SLC25A6: variants seen among roughly 807,000 people sequenced by gnomAD.
The protein encoded by SLC25A6 is ADP/ATP translocase 3.
SLC25A6 carries 9 observed loss-of-function variants against 25.7 expected under a neutral mutation model. That is an observed-to-expected ratio of 0.35 (90% CI 0.21 to 0.61). SLC25A6 has a LOEUF of 0.61. Among genes scored for constraint, SLC25A6 ranks in the 20% least tolerant of loss-of-function variants. SLC25A6 has a pLI of 0.76. For missense variants in SLC25A6, 404 were observed against 440.5 expected (o/e 0.92, Z 0.74); for synonymous variants, 223 against 197.0 (o/e 1.13, Z -1.11).
At chrX:1,390,013 CTCTT>C (rs1398554570) in intron 1 of SLC25A6, among the ~76,000 whole-genome samples, 2 of 152,018 alleles carry the variant, frequency 1.3e-5, no homozygotes, top group South Asian at 4.1e-4. Context: ...CCGCACCCGG[CTCTT>C]TCTTTTTTTA....
chrX:1,391,315 G>A (rs140806746), intron 1 of SLC25A6, among the ~76,000 whole-genome samples: 1,697 of 152,200 alleles, frequency 0.011, 33 homozygotes, highest in African/African-American at 0.038. Context: ...CGTTAGCAAG[G>A]ACGTCCTGGC....
intron 2 of SLC25A6, among the ~76,000 whole-genome samples, chrX:1,388,443 G>T (rs1342427136): frequency 6.6e-6 from 1 of 151,880 alleles, no homozygotes; most frequent in Non-Finnish European, 1.5e-5. Flanking sequence ...GGCCTCAGGA[G>T]GAACCAGCCC....
chrX:1,391,593 G>C (rs1262377110), intron 1 of SLC25A6, among the ~76,000 whole-genome samples: 6 of 152,218 alleles, frequency 3.9e-5, no homozygotes, highest in Non-Finnish European at 8.8e-5. Context: ...GCAGGATTGA[G>C]CTCAAGGTCA....
intron 1 of SLC25A6, 90 bp downstream of exon 1, chrX:1,391,809 C>T (rs1348666282): frequency 2.0e-6 from 2 of 1,018,954 alleles, no homozygotes; most frequent in African/African-American, 3.4e-5. Flanking sequence ...CGGCGCCCGC[C>T]TGCAAGGCTC....
At position 1,389,381 on chromosome X, in the gene SLC25A6, T is replaced by G; in HGVS notation, c.458A>C (p.Glu153Ala). 1 of 1,613,718 alleles carries G rather than the reference T, an allele frequency of 6.2e-7. No homozygotes were observed. The highest frequency in any genetic ancestry group is 2.2e-5 in the East Asian group (1 of 44,882). Residue 153 changes from glutamate to alanine, a missense_variant, in exon 2 of 4, where the codon GAG becomes GCG. Transcript: ENST00000381401. ...CAGGCAGTCTCCCAGGCCTCGGAACTCGCGCTCTGTGCCTGACTTTCCCAC... is the reference window on the plus strand; with the variant it reads ...CAGGCAGTCTCCCAGGCCTCGGAACGCGCGCTCTGTGCCTGACTTTCCCAC... ...ADVGKSGTER[E>A]FRGLGDCLVK... is the part of the protein sequence containing the mutation.
chrX:1,388,489 G>T (rs1358776120), intron 2 of SLC25A6, among the ~76,000 whole-genome samples: 1 of 151,800 alleles, frequency 6.6e-6, no homozygotes, highest in South Asian at 2.1e-4. Flanking sequence ...CAGCCTCCAG[G>T]ACTGTGGGAG....
At chrX:1,390,144 G>A (rs1315618188) in intron 1 of SLC25A6, 1 of 230,748 alleles carries the variant, frequency 4.3e-6, no homozygotes, top group Admixed American at 5.1e-5. Context: ...CCGAGTACCC[G>A]GGTCTACAGA....
chrX:1,389,207 G>A (rs747364514), intron 2 of SLC25A6, 34 bp downstream of exon 2: 71 of 1,598,946 alleles, frequency 4.4e-5, no homozygotes, highest in Middle Eastern at 1.8e-4. Flanking sequence ...TGTTGAGCCC[G>A]TCTCTGGGAC....
Position 1,386,568 on chromosome X carries a change from G to T in SLC25A6, c.*34C>A. The T allele has an allele frequency of 2.9e-6, 4 of 1,359,348 alleles. No individual in the cohort carries two copies. Among genetic ancestry groups the T allele is most frequent in the South Asian group, 1.5e-5 (1 of 66,110 alleles). 84.2% of individuals were successfully genotyped at this position (1,359,348 alleles called of 1,614,324 possible). ...TCTACGTGGTTCTCTTGGTTCCCCT[G>T]GTGTGTGTGTGTGTGTGGAGGAGGC... On this transcript the variant is annotated 3_prime_UTR_variant, in exon 4 of 4. Coordinates refer to ENST00000381401, the MANE Select transcript of SLC25A6 (RefSeq NM_001636.4).
At chrX:1,387,521 G>T in intron 2 of SLC25A6, 102 bp from the exon 3 acceptor site, 1 of 1,505,444 alleles carries the variant, frequency 6.6e-7, no homozygotes, top group African/African-American at 1.4e-5. Context: ...GTGGTGCCGA[G>T]CTCTTCCGAG....
At chrX:1,389,978 C>T (rs1301626279) in intron 1 of SLC25A6, among the ~76,000 whole-genome samples, 3 of 151,940 alleles carry the variant, frequency 2.0e-5, no homozygotes, top group African/African-American at 4.8e-5. Context: ...TCAGGATGGT[C>T]TCGATCTGCT....
chrX:1,386,906 C>A (rs1342724215), intron 3 of SLC25A6, 147 bp from the exon 4 acceptor site: 1 of 1,036,994 alleles, frequency 9.6e-7, no homozygotes, highest in East Asian at 2.5e-5. Flanking sequence ...CTGAGGCTCC[C>A]CCAGCTCAAG....
chrX:1,389,848 G>A (rs1374774569), intron 1 of SLC25A6, 121 bp from the exon 2 acceptor site: 13 of 1,495,580 alleles, frequency 8.7e-6, no homozygotes, highest in African/African-American at 4.2e-5. Context: ...GGAGTGCAAT[G>A]GGGTGATCAA....
In SLC25A6 at chrX:1,386,738, G is replaced by A; in HGVS notation, c.761C>T (p.Thr254Ile). The A allele has an allele frequency of 6.2e-7, 1 of 1,610,360 alleles. No individual in the cohort carries two copies. The highest frequency in any genetic ancestry group is 1.1e-5 in the South Asian group (1 of 90,720). Residue 254 changes from threonine to isoleucine, a missense_variant, in exon 4 of 4, where the codon ACC becomes ATC. Physicochemically the swap from Thr to Ile is moderately conservative, Grantham distance 89. Coordinates refer to ENST00000381401, the MANE Select transcript of SLC25A6 (RefSeq NM_001636.4). ...GAAGATCTTCCTCCAACAGTCGACGGTGCCCGTGTACATGATGTCAGCTGC... is the reference window on the plus strand; with the variant it reads ...GAAGATCTTCCTCCAACAGTCGACGATGCCCGTGTACATGATGTCAGCTGC... ...RKGADIMYTGTVDCWRKIFRD... is the reference protein window; with the variant it reads ...RKGADIMYTGIVDCWRKIFRD...
Position 1,389,480 on chromosome X carries a change from C to T in SLC25A6, c.359G>A (p.Gly120Asp). ...WRYFAGNLAS[G>D]GAAGATSLCF... ...GAGGGAGGTCGCGCCGGCCGCACCGCCGGAGGCCAGGTTGCCCGCAAAGTA... is the reference window on the plus strand; with the variant it reads ...GAGGGAGGTCGCGCCGGCCGCACCGTCGGAGGCCAGGTTGCCCGCAAAGTA... The change falls in exon 2 of 4, where the codon GGC becomes GAC. Residue 120 changes from glycine to aspartate, a missense_variant. Physicochemically the swap from Gly to Asp is moderately conservative, Grantham distance 94 (BLOSUM62 -1). Transcript: ENST00000381401. 1.2e-6 allele frequency: 2 copies of T among 1,614,058 alleles called. No homozygotes were observed. Among genetic ancestry groups the T allele is most frequent in the Non-Finnish European group, 1.7e-6 (2 of 1,179,978 alleles).
In SLC25A6 at chrX:1,386,373, A is replaced by G; in HGVS notation, c.*229T>C. The G allele has an allele frequency of 2.0e-6, 1 of 499,746 alleles. No homozygotes were observed. Among genetic ancestry groups the G allele is most frequent in the South Asian group, 4.4e-5 (1 of 22,968 alleles). The allele number at this position is 499,746 out of a possible 1,614,324, so 31.0% of individuals were successfully genotyped here. Reference sequence around the variant, plus strand: ...TCTCACCCATGGGCCCCACGCAGGGACGCCACGGTTCCCTCCCACCCCGTG... The same window carrying G: ...TCTCACCCATGGGCCCCACGCAGGGGCGCCACGGTTCCCTCCCACCCCGTG... On this transcript the variant is annotated 3_prime_UTR_variant, in exon 4 of 4. Transcript: ENST00000381401.
At chrX:1,388,581 C>T (rs1225794386) in intron 2 of SLC25A6, among the ~76,000 whole-genome samples, 2 of 147,684 alleles carry the variant, frequency 1.4e-5, no homozygotes, top group Non-Finnish European at 3.0e-5. Context: ...CATCTCATAA[C>T]AAGAGATGAG....
chrX:1,387,388 G>C lies in SLC25A6; in HGVS notation c.630C>G (p.Ile210Met), dbSNP rs780007250. Reference protein sequence around the residue: ...GMLPDPKNTHIVVSWMIAQTV... With the variant: ...GMLPDPKNTHMVVSWMIAQTV... ...TCTGCGCGATCATCCAGCTCACCAC[G>C]ATGTGCGTGTTCTTGGGGTCGGGGA... The change falls in exon 3 of 4, where the codon ATC (isoleucine) becomes ATG (methionine). Residue 210 changes from isoleucine to methionine, a missense_variant. Coordinates refer to ENST00000381401, the MANE Select transcript of SLC25A6 (RefSeq NM_001636.4). 1.2e-6 allele frequency: 2 copies of C among 1,613,018 alleles called. No individual in the cohort carries two copies. The highest frequency in any genetic ancestry group is 1.7e-5 in the Admixed American group (1 of 59,978).
intron 2 of SLC25A6, among the ~76,000 whole-genome samples, chrX:1,388,505 A>G (rs1405782119): frequency 1.3e-5 from 2 of 151,356 alleles, no homozygotes; most frequent in Non-Finnish European, 1.5e-5. Context: ...GGGAGAATCA[A>G]TGTCTGTTGT....
Sources: gnomAD v4.1 joint callset for allele counts (sites outside exome capture counted in the v4.1 genomes callset) on GRCh38, gnomAD v4.1.1 for gene constraint, MANE v1.5 for transcripts, NCBI Gene and HGNC (gene_info 2026-07-23, HGNC 2026-07-21) for gene names.